Variants in RSPH4A observed in about 807,000 individuals in gnomAD.
RSPH4A encodes radial spoke head component 4A.
Under a neutral mutation model 71.0 loss-of-function variants are expected in RSPH4A, and 47 were observed. The observed-to-expected ratio is 0.66, with a 90% CI of 0.52 to 0.84. RSPH4A has a LOEUF of 0.84. Ranked by LOEUF, RSPH4A falls within the 40% of genes least tolerant of loss-of-function variation. The pLI, the probability that RSPH4A is intolerant of heterozygous loss-of-function variation, is 0.00. For synonymous variants in RSPH4A, 282 were observed against 302.3 expected (o/e 0.93, Z 0.70); for missense variants, 793 against 855.2 (o/e 0.93, Z 0.91).
Position 116,616,878 on chromosome 6 carries a change from C to T in RSPH4A, c.255C>T (p.Val85=), listed in dbSNP as rs759417066. ...CAGAAACATCATCACCTGCTCCTGT[C>T]TCTCCGCGGGAGCCCTCTTCCTCTC... The part of the protein sequence containing the change: ...AGPETSSPAP[V]SPREPSSSPS... The change falls in exon 1 of 6, where the codon GTC becomes GTT. Residue 85 remains valine, a synonymous_variant. Coordinates refer to ENST00000229554, the MANE Select transcript of RSPH4A (RefSeq NM_001010892.3). 1 of 1,614,220 alleles carries T rather than the reference C, an allele frequency of 6.2e-7. No homozygotes were observed. Among genetic ancestry groups the T allele is most frequent in the Non-Finnish European group, 8.5e-7 (1 of 1,180,038 alleles).
In RSPH4A at chr6:116,632,521, T is replaced by C; in HGVS notation, c.*80T>C. ...ATGGGACTAATTTTACACTTTTCTG[T>C]GTTATGTGTGTATATACATACACAT... On this transcript the variant is annotated 3_prime_UTR_variant, in exon 6 of 6. Coordinates refer to ENST00000229554, the MANE Select transcript of RSPH4A (RefSeq NM_001010892.3). 2 of 1,537,430 alleles carry C rather than the reference T, an allele frequency of 1.3e-6. No homozygotes were observed. Among genetic ancestry groups the C allele is most frequent in the South Asian group, 2.4e-5 (2 of 82,782 alleles).
intron 2 of RSPH4A, among the ~76,000 whole-genome samples, chr6:116,626,042 T>C (rs1398607283): frequency 4.6e-5 from 7 of 152,130 alleles, no homozygotes; most frequent in Admixed American, 3.9e-4. Context: ...ACATCAACAT[T>C]TGGAGCTCAA....
In RSPH4A at chr6:116,628,209, G is replaced by A; in HGVS notation, c.1502G>A (p.Gly501Glu). 6.2e-7 allele frequency: 1 copy of A among 1,613,964 alleles called. No homozygotes were observed. The highest frequency in any genetic ancestry group is 8.5e-7 in the Non-Finnish European group (1 of 1,179,886). ...GCAGGAACCCACGTCAGTCCTCTAG[G>A]ATTTTATCAGTTTGGTGAAGAGGAA... Reference protein sequence around the residue: ...ISAGTHVSPLGFYQFGEEEGE... With the variant: ...ISAGTHVSPLEFYQFGEEEGE... Residue 501 changes from glycine to glutamate, a missense_variant, in exon 3 of 6, where the codon GGA becomes GAA. By Grantham distance (98) the Gly-to-Glu change is moderately conservative. Transcript: ENST00000229554.
chr6:116,623,505 CT>C (rs1459144236), intron 2 of RSPH4A, among the ~76,000 whole-genome samples: 1 of 151,890 alleles, frequency 6.6e-6, no homozygotes, highest in African/African-American at 2.4e-5. Context: ...TTTTTTCATA[CT>C]GTGTTTTAGT....
At chr6:116,630,617 C>T in intron 5 of RSPH4A, 65 bp downstream of exon 5, 1 of 793,742 alleles carries the variant, frequency 1.3e-6, no homozygotes, top group Non-Finnish European at 2.3e-6. Context: ...TTATAAATAA[C>T]CACTAGAATG....
chr6:116,627,715 CAT>C lies in RSPH4A; in HGVS notation c.1011_1012del (p.Phe338SerfsTer8), dbSNP rs1775719317. On this transcript the variant is annotated frameshift_variant, in exon 3 of 6. Transcript: ENST00000229554. LOFTEE classifies it high-confidence loss of function. ...GTTTGGGCACAGATGAGACATACCG[CAT>C]ATTTCTTGCCCTCAAGCAGCTTACT... Reference protein sequence around the residue: ...VGLGTDETYRIFLALKQLTDT... With the variant: ...VGLGTDETYRXFLALKQLTDT... 7 of 1,614,106 alleles carry C rather than the reference CAT, an allele frequency of 4.3e-6. No homozygotes were observed. Among genetic ancestry groups the C allele is most frequent in the Non-Finnish European group, 5.9e-6 (7 of 1,180,022 alleles).
chr6:116,628,363 C>T lies in RSPH4A; in HGVS notation c.1656C>T (p.Leu552=), dbSNP rs1775737265. ...SNWVHHVQHI[L]SQGRCNWFNS... is the part of the protein sequence containing the mutation. ...GGGTTCATCATGTACAGCATATTCT[C>T]TCTCAGGTAGGAGCTTTGCACTTCT... is the stretch of plus-strand genomic sequence containing the variant. Residue 552 remains leucine (L), a synonymous_variant, in exon 3 of 6, where the codon CTC becomes CTT. Transcript: ENST00000229554. 6.2e-7 allele frequency: 1 copy of T among 1,611,104 alleles called. No individual in the cohort carries two copies. Among genetic ancestry groups the T allele is most frequent in the African/African-American group, 1.3e-5 (1 of 74,852 alleles).
chr6:116,631,525 AGAG>A (rs1189695323), intron 5 of RSPH4A, among the ~76,000 whole-genome samples: 1 of 152,174 alleles, frequency 6.6e-6, no homozygotes, highest in Non-Finnish European at 1.5e-5. Context: ...CTGGAGACCA[AGAG>A]GAGGATGAGA....
Position 116,632,547 on chromosome 6 carries a change from G to A in RSPH4A, c.*106G>A. The A allele has an allele frequency of 7.4e-7, 1 of 1,344,768 alleles. No individual in the cohort carries two copies. Among genetic ancestry groups the A allele is most frequent in the Non-Finnish European group, 1.0e-6 (1 of 992,422 alleles). The allele number at this position is 1,344,768 out of a possible 1,614,324, so 83.3% of individuals were successfully genotyped here. A position where few individuals can be genotyped will look rare whatever the true frequency, so the allele number is the denominator to read the frequency against. On this transcript the variant is annotated 3_prime_UTR_variant, in exon 6 of 6. Transcript: ENST00000229554. ...GTTATGTGTGTATATACATACACAT[G>A]TAAGAAATTATTCAACTGCAAAATC... is the stretch of plus-strand genomic sequence containing the variant.
At chr6:116,626,392 A>C (rs932947582) in intron 2 of RSPH4A, among the ~76,000 whole-genome samples, 1 of 151,910 alleles carries the variant, frequency 6.6e-6, no homozygotes, top group African/African-American at 2.4e-5. Context: ...CCCAGGCTGT[A>C]GTGCAGTGGC....
chr6:116,626,885 T>C (rs529709611), intron 2 of RSPH4A, among the ~76,000 whole-genome samples: 2 of 152,224 alleles, frequency 1.3e-5, no homozygotes, highest in South Asian at 4.1e-4. Context: ...TATAAAACCA[T>C]GCACTTAATA....
chr6:116,631,002 T>C (rs1011726207), intron 5 of RSPH4A, among the ~76,000 whole-genome samples: 1 of 151,952 alleles, frequency 6.6e-6, no homozygotes, highest in Admixed American at 6.6e-5. Flanking sequence ...TACTATCGTT[T>C]TAACTCATCT....
Position 116,622,777 on chromosome 6 carries a change from T to A in RSPH4A, c.696T>A (p.His232Gln). 6.3e-7 allele frequency: 1 copy of A among 1,589,338 alleles called. No homozygotes were observed. Among genetic ancestry groups the A allele is most frequent in the Non-Finnish European group, 8.6e-7 (1 of 1,157,742 alleles). Residue 232 changes from histidine (H) to glutamine (Q), a missense_variant, in exon 2 of 6, where the codon CAT becomes CAA. Coordinates refer to ENST00000229554, the MANE Select transcript of RSPH4A (RefSeq NM_001010892.3). Reference protein sequence around the residue: ...SSNSGFNLYDHLSNMLTKILN... With the variant: ...SSNSGFNLYDQLSNMLTKILN... ...TTCTCTGTTTGGATAGATATGATCATCTTTCTAATATGTTGACCAAGATAT... is the reference window on the plus strand; with the variant it reads ...TTCTCTGTTTGGATAGATATGATCAACTTTCTAATATGTTGACCAAGATAT...
intron 4 of RSPH4A, among the ~76,000 whole-genome samples, 154 bp downstream of exon 4, chr6:116,629,856 G>C: frequency 6.6e-6 from 1 of 152,212 alleles, no homozygotes; most frequent in East Asian, 1.9e-4. Context: ...ATGATAGGGA[G>C]TGAAGAATGT....
At chr6:116,630,573 A>G (rs1203842337) in intron 5 of RSPH4A, 21 bp downstream of exon 5, 1 of 1,126,794 alleles carries the variant, frequency 8.9e-7, no homozygotes, top group Non-Finnish European at 1.4e-6. Flanking sequence ...GACCACTTAC[A>G]AAGCCATTTC....
intron 1 of RSPH4A, among the ~76,000 whole-genome samples, chr6:116,620,169 T>C (rs1775578748): frequency 6.6e-6 from 1 of 152,226 alleles, no homozygotes; most frequent in African/African-American, 2.4e-5. Flanking sequence ...CTGCTAAAAT[T>C]GCAAAGGAAC....
chr6:116,619,499 A>G (rs976578177), intron 1 of RSPH4A, among the ~76,000 whole-genome samples: 2 of 152,202 alleles, frequency 1.3e-5, no homozygotes, highest in Non-Finnish European at 2.9e-5. Context: ...TATAAATCAT[A>G]ATTCCTAAGT....
intron 1 of RSPH4A, among the ~76,000 whole-genome samples, chr6:116,622,181 GA>G (rs1775621334): frequency 6.6e-6 from 1 of 152,098 alleles, no homozygotes; most frequent in South Asian, 2.1e-4. Context: ...GAGAAGCACT[GA>G]AGTAGAAAAT....
chr6:116,616,535 G>C lies in RSPH4A; in HGVS notation c.-89G>C, dbSNP rs1272995418. ...ACCAGGACCCAGAAATCGCTTAAGAGACCGCGGCAAAGTAACTTAACTGAG... is the reference window on the plus strand; with the variant it reads ...ACCAGGACCCAGAAATCGCTTAAGACACCGCGGCAAAGTAACTTAACTGAG... On this transcript the variant is annotated 5_prime_UTR_variant, in exon 1 of 6. Coordinates refer to ENST00000229554, the MANE Select transcript of RSPH4A (RefSeq NM_001010892.3). 5.1e-6 allele frequency: 6 copies of C among 1,174,260 alleles called. No individual in the cohort carries two copies. Among genetic ancestry groups the C allele is most frequent in the Non-Finnish European group, 7.4e-6 (6 of 805,764 alleles). 72.7% of individuals were successfully genotyped at this position (1,174,260 alleles called of 1,614,324 possible).
Sources: gnomAD v4.1 joint callset for allele counts (sites outside exome capture counted in the v4.1 genomes callset) on GRCh38, gnomAD v4.1.1 for gene constraint, MANE v1.5 for transcripts, NCBI Gene and HGNC (gene_info 2026-07-23, HGNC 2026-07-21) for gene names.